TSPAN8: variants seen among roughly 807,000 people sequenced by gnomAD.
TSPAN8 encodes tetraspanin 8.
Under a neutral mutation model 32.8 loss-of-function variants are expected in TSPAN8, and 21 were observed. The observed-to-expected ratio is 0.64, with a 90% CI of 0.45 to 0.92. The LOEUF (loss-of-function observed/expected upper bound fraction) is 0.92, where lower values mean the gene tolerates loss of function less well. Among genes scored for constraint, TSPAN8 ranks in the 40% least tolerant of loss-of-function variants. TSPAN8 has a pLI of 0.00. For synonymous variants in TSPAN8, 95 were observed against 94.6 expected (o/e 1.00, Z -0.03); for missense variants, 269 against 281.9 (o/e 0.95, Z 0.33).
At chr12:71,144,307 A>C (rs1298167196) in intron 2 of TSPAN8, 94 bp from the exon 3 acceptor site, 1 of 1,051,446 alleles carries the variant, frequency 9.5e-7, no homozygotes, top group Non-Finnish European at 1.4e-6. Flanking sequence ...ACAGTAGTTC[A>C]TCATCGACTA....
rs181663350 is a variant in TSPAN8, at chr12:71,152,768, C to T, written c.60+4851G>A. The stretch of plus-strand genomic sequence containing the variant: ...TGTTAGGTCTTCATTTTGAAAGATT[C>T]CATCAACGGACACAATAAGATATAA... On this transcript the variant is annotated intron_variant, in intron 2 of 8. Transcript: ENST00000247829. Among the ~76,000 whole-genome samples, 695 of 152,260 alleles carry T rather than the reference C, an allele frequency of 4.6e-3. 1 individual carries two copies. The highest frequency in any genetic ancestry group is 0.01 in the South Asian group (49 of 4,828).
At chr12:71,136,470 T>G (rs1378899431) in intron 6 of TSPAN8, among the ~76,000 whole-genome samples, 2 of 152,186 alleles carry the variant, frequency 1.3e-5, no homozygotes, top group Non-Finnish European at 2.9e-5. Flanking sequence ...CTCCTAAGAT[T>G]CTGTGAATTT....
chr12:71,138,102 T>C (rs115705069), intron 5 of TSPAN8, 42 bp from the exon 6 acceptor site: 1 of 1,611,138 alleles, frequency 6.2e-7, no homozygotes, highest in East Asian at 2.2e-5. Context: ...CGCCACAAGG[T>C]AGTATTTCAA....
At chr12:71,150,872 G>A (rs1433073273) in intron 2 of TSPAN8, among the ~76,000 whole-genome samples, 2 of 152,090 alleles carry the variant, frequency 1.3e-5, no homozygotes, top group Non-Finnish European at 2.9e-5. Context: ...CTGCCACCAT[G>A]TAAGATGGGA....
chr12:71,145,858 C>A lies in TSPAN8; in HGVS notation c.61-1645G>T, dbSNP rs1051191350. ...CTGGCCTTCATCTGTAACTAATGAACCTTGTAGCTATTATGAGTAGCATTC... is the reference window on the plus strand; with the variant it reads ...CTGGCCTTCATCTGTAACTAATGAAACTTGTAGCTATTATGAGTAGCATTC... On this transcript the variant is annotated intron_variant, in intron 2 of 8. Coordinates refer to ENST00000247829, the MANE Select transcript of TSPAN8 (RefSeq NM_004616.3). Among the ~76,000 whole-genome samples the A allele has an allele frequency of 7.9e-5, 12 of 152,190 alleles. 1 individual carries two copies. Among genetic ancestry groups the A allele is most frequent in the Admixed American group, 3.3e-4 (5 of 15,274 alleles).
chr12:71,148,514 G>T (rs1446104990), intron 2 of TSPAN8, among the ~76,000 whole-genome samples: 1 of 152,132 alleles, frequency 6.6e-6, no homozygotes, highest in Non-Finnish European at 1.5e-5. Context: ...TTTCACTGGG[G>T]TAGATCAGGC....
intron 2 of TSPAN8, among the ~76,000 whole-genome samples, chr12:71,150,692 T>C (rs532697484): frequency 6.6e-6 from 1 of 152,316 alleles, no homozygotes; most frequent in African/African-American, 2.4e-5. Context: ...TTTAGCTGTG[T>C]CCTCACCCAA....
chr12:71,144,198 T>A lies in TSPAN8; in HGVS notation c.76A>T (p.Ile26Phe). The A allele has an allele frequency of 6.2e-7, 1 of 1,611,506 alleles. No individual in the cohort carries two copies. Among genetic ancestry groups the A allele is most frequent in the Non-Finnish European group, 8.5e-7 (1 of 1,179,254 alleles). Residue 26 changes from isoleucine (I) to phenylalanine (F), a missense_variant, in exon 3 of 9, where the codon ATC (isoleucine) becomes TTC (phenylalanine). Ile to Phe is a conservative substitution (Grantham distance 21, BLOSUM62 0). Coordinates refer to ENST00000247829, the MANE Select transcript of TSPAN8 (RefSeq NM_004616.3). The part of the protein sequence containing the change: ...NFLFWLCGIL[I>F]LALAIWVRVS... The stretch of plus-strand genomic sequence containing the variant: ...CGTACCCATATTGCTAATGCTAGGA[T>A]CAAGATACCACATAGCTGCAGAAAA...
chr12:71,137,663 A>C (rs928972187), intron 6 of TSPAN8, among the ~76,000 whole-genome samples: 4 of 152,160 alleles, frequency 2.6e-5, no homozygotes, highest in Non-Finnish European at 5.9e-5. Context: ...TACCCTTTTA[A>C]ATGGTAAATG....
chr12:71,140,948 A>G (rs1871885087), intron 3 of TSPAN8, among the ~76,000 whole-genome samples: 1 of 152,234 alleles, frequency 6.6e-6, no homozygotes, highest in Admixed American at 6.5e-5. Context: ...CAATACAAAA[A>G]TGACTGCTAT....
chr12:71,127,201 T>C (rs1225279805), intron 8 of TSPAN8, among the ~76,000 whole-genome samples: 1 of 152,084 alleles, frequency 6.6e-6, no homozygotes, highest in Non-Finnish European at 1.5e-5. Flanking sequence ...AATTTGAACT[T>C]TGGAAACAAA....
intron 2 of TSPAN8, among the ~76,000 whole-genome samples, chr12:71,147,098 G>C (rs189058633): frequency 6.6e-6 from 1 of 151,912 alleles, no homozygotes; most frequent in African/African-American, 2.4e-5. Flanking sequence ...AGAACTATAA[G>C]AAAATTAATT....
chr12:71,134,031 A>G (rs1208506175), intron 6 of TSPAN8, among the ~76,000 whole-genome samples: 2 of 152,350 alleles, frequency 1.3e-5, no homozygotes, highest in Admixed American at 6.5e-5. Context: ...TATTTATTAC[A>G]TTAATAATAA....
intron 2 of TSPAN8, among the ~76,000 whole-genome samples, chr12:71,153,444 C>G (rs1176258974): frequency 6.6e-6 from 1 of 152,152 alleles, no homozygotes; most frequent in African/African-American, 2.4e-5. Context: ...CTCAAGTTGT[C>G]CCCCAAAAGA....
intron 8 of TSPAN8, among the ~76,000 whole-genome samples, chr12:71,126,699 T>A (rs1592396987): frequency 6.6e-6 from 1 of 152,158 alleles, no homozygotes; most frequent in Admixed American, 6.5e-5. Flanking sequence ...ACTGCTTTAT[T>A]TCTAGGACCT....
intron 6 of TSPAN8, among the ~76,000 whole-genome samples, chr12:71,134,458 C>G (rs959225169): frequency 6.6e-6 from 1 of 152,206 alleles, no homozygotes; most frequent in Non-Finnish European, 1.5e-5. Context: ...ACAAATTCAA[C>G]TGAGGCAGAT....
chr12:71,129,432 C>T lies in TSPAN8; in HGVS notation c.577-18G>A. 2 of 1,462,526 alleles carry T rather than the reference C, an allele frequency of 1.4e-6. No homozygotes were observed. The highest frequency in any genetic ancestry group is 9.2e-7 in the Non-Finnish European group (1 of 1,092,210). The allele number at this position is 1,462,526 out of a possible 1,614,324, so 90.6% of individuals were successfully genotyped here. On this transcript the variant is annotated intron_variant, in intron 7 of 8. Coordinates refer to ENST00000247829, the MANE Select transcript of TSPAN8 (RefSeq NM_004616.3). ...ATACAGGTCTGTTAAAAAAAAAAAACATTAAAAGTTACCTCTCAGAAAAAT... is the reference window on the plus strand; with the variant it reads ...ATACAGGTCTGTTAAAAAAAAAAAATATTAAAAGTTACCTCTCAGAAAAAT...
chr12:71,129,376 A>T lies in TSPAN8; in HGVS notation c.615T>A (p.Asn205Lys), dbSNP rs139952436. 1.9e-6 allele frequency: 3 copies of T among 1,586,728 alleles called. No homozygotes were observed. The highest frequency in any genetic ancestry group is 2.6e-6 in the Non-Finnish European group (3 of 1,167,712). Residue 205 changes from asparagine (N) to lysine (K), a missense_variant, in exon 8 of 9, where the codon AAT becomes AAA. By Grantham distance (94) the Asn-to-Lys change is moderately conservative. Coordinates refer to ENST00000247829, the MANE Select transcript of TSPAN8 (RefSeq NM_004616.3). Reference sequence around the variant, plus strand: ...ATGATATTCCAATAACTATAATCAAATTTTTTGCCAAGAAGTCTTTTATGA... The same window carrying T: ...ATGATATTCCAATAACTATAATCAATTTTTTTGCCAAGAAGTCTTTTATGA... The part of the protein sequence containing the change: ...ISFIKDFLAK[N>K]LIIVIGISFG...
At chr12:71,138,133 T>G in intron 5 of TSPAN8, 23 bp downstream of exon 5, 1 of 1,611,124 alleles carries the variant, frequency 6.2e-7, no homozygotes, top group Non-Finnish European at 8.5e-7. Context: ...TTCTTCAAAA[T>G]TTTCAAACAT....
Sources: allele counts gnomAD v4.1 joint callset (sites outside exome capture counted in the v4.1 genomes callset), GRCh38; gene constraint gnomAD v4.1.1; transcripts MANE v1.5; gene names NCBI Gene and HGNC (gene_info 2026-07-23, HGNC 2026-07-21).